EPB41L4A: variants seen among roughly 807,000 people sequenced by gnomAD.
EPB41L4A encodes the protein erythrocyte membrane protein band 4.1 like 4A.
In EPB41L4A, 100 loss-of-function variants were observed where a neutral mutation model predicts 108.6. The ratio of observed to expected loss-of-function variants is 0.92; its 90% CI spans 0.78 to 1.09. EPB41L4A has a LOEUF of 1.09. Ranked by LOEUF, EPB41L4A falls within the 50% of genes least tolerant of loss-of-function variation. The pLI, the probability that EPB41L4A is intolerant of heterozygous loss-of-function variation, is 0.00. For missense variants in EPB41L4A, 1,030 were observed against 842.7 expected (o/e 1.22, Z -2.75); for synonymous variants, 319 against 289.0 (o/e 1.10, Z -1.05).
At chr5:112,209,809 A>T (rs1288025963) in intron 13 of EPB41L4A, 83 bp downstream of exon 13, 3 of 782,230 alleles carry the variant, frequency 3.8e-6, no homozygotes, top group Non-Finnish European at 6.2e-6. Context: ...ATCAAAGTTA[A>T]AAGATTTTTA....
Position 112,169,061 on chromosome 5 carries a change from C to T in EPB41L4A, c.1784G>A (p.Arg595Gln), listed in dbSNP as rs772237814. 5.0e-6 allele frequency: 8 copies of T among 1,614,140 alleles called. No individual in the cohort carries two copies. Among genetic ancestry groups the T allele is most frequent in the South Asian group, 3.3e-5 (3 of 91,080 alleles). Reference sequence around the variant, plus strand: ...GGACCTGCGATACTGGCGGTAACTTCGTGGCGAATGAGAATGCCTGATGCG... The same window carrying T: ...GGACCTGCGATACTGGCGGTAACTTTGTGGCGAATGAGAATGCCTGATGCG... ...PIRIRHSHSP[R>Q]SYRQYRRSQC... is the part of the protein sequence containing the mutation. Residue 595 changes from arginine to glutamine, a missense_variant, in exon 21 of 23, where the codon CGA (arginine) becomes CAA (glutamine). Arg to Gln is a conservative substitution (Grantham distance 43). Transcript: ENST00000261486.
At chr5:112,195,123 C>T (rs1236203743) in intron 16 of EPB41L4A, among the ~76,000 whole-genome samples, 1 of 152,076 alleles carries the variant, frequency 6.6e-6, no homozygotes, top group East Asian at 1.9e-4. Flanking sequence ...AGGACTAGCC[C>T]CTTAACCGAC....
chr5:112,158,053 T>C (rs1314653615), downstream of EPB41L4A, among the ~76,000 whole-genome samples: 2 of 152,206 alleles, frequency 1.3e-5, no homozygotes, highest in Non-Finnish European at 2.9e-5. Flanking sequence ...AGGAAGGATT[T>C]TGAATTGATT....
intron 1 of EPB41L4A, among the ~76,000 whole-genome samples, chr5:112,316,851 T>C (rs1212740676): frequency 6.6e-6 from 1 of 152,172 alleles, no homozygotes. Context: ...CATTCACATA[T>C]TGACACCTCA....
intron 11 of EPB41L4A, among the ~76,000 whole-genome samples, chr5:112,234,979 GAAGA>G (rs1488296810): frequency 1.3e-5 from 2 of 152,156 alleles, no homozygotes; most frequent in East Asian, 3.8e-4. Flanking sequence ...GAGGAAACAG[GAAGA>G]AAGAATTTAT....
At chr5:112,418,426 G>A (rs1029628747) in intron 1 of EPB41L4A, among the ~76,000 whole-genome samples, 8 of 152,186 alleles carry the variant, frequency 5.3e-5, no homozygotes, top group African/African-American at 1.9e-4. Flanking sequence ...TGTAGAAAGG[G>A]AAAATATTTT....
chr5:112,373,179 TCTC>T (rs1184060922), intron 1 of EPB41L4A, among the ~76,000 whole-genome samples: 8 of 152,086 alleles, frequency 5.3e-5, no homozygotes, highest in African/African-American at 1.7e-4. Context: ...CCATTTCTAA[TCTC>T]CTGGCTGTGG....
intron 2 of EPB41L4A, among the ~76,000 whole-genome samples, chr5:112,281,154 T>C (rs2089341634): frequency 6.6e-6 from 1 of 152,176 alleles, no homozygotes; most frequent in South Asian, 2.1e-4. Flanking sequence ...GTAAAGTCTT[T>C]AGAATAGCCC....
downstream of EPB41L4A, among the ~76,000 whole-genome samples, chr5:112,159,144 C>A (rs927979765): frequency 1.8e-4 from 27 of 151,636 alleles, no homozygotes; most frequent in African/African-American, 5.8e-4. Flanking sequence ...TGTGTGATGA[C>A]CACTGGGCTG....
At chr5:112,212,295 T>G (rs1163073599) in intron 12 of EPB41L4A, among the ~76,000 whole-genome samples, 9 of 108,198 alleles carry the variant, frequency 8.3e-5, no homozygotes, top group African/African-American at 2.3e-4. Context: ...GTTGTTTTTG[T>G]TTTTTTTTTT....
At chr5:112,220,911 T>TC (rs1306382477) in intron 12 of EPB41L4A, among the ~76,000 whole-genome samples, 2 of 152,118 alleles carry the variant, frequency 1.3e-5, no homozygotes, top group Non-Finnish European at 2.9e-5. Context: ...CCCCTCCAGG[T>TC]TATTACCATT....
chr5:112,159,377 G>A (rs187209044), downstream of EPB41L4A, among the ~76,000 whole-genome samples: 3 of 152,310 alleles, frequency 2.0e-5, no homozygotes, highest in East Asian at 5.8e-4. Context: ...TGGAGACCTA[G>A]TTGTTATCAT....
chr5:112,201,489 T>C (rs1261710714), intron 15 of EPB41L4A, among the ~76,000 whole-genome samples: 1 of 152,254 alleles, frequency 6.6e-6, no homozygotes, highest in Admixed American at 6.5e-5. Flanking sequence ...AGCCATATTT[T>C]AGCAAAATGT....
chr5:112,361,049 G>A (rs535310345), intron 1 of EPB41L4A, among the ~76,000 whole-genome samples: 17 of 152,210 alleles, frequency 1.1e-4, no homozygotes, highest in Non-Finnish European at 2.5e-4. Context: ...AACGGGCCAT[G>A]ATGACGATGG....
chr5:112,188,651 G>A (rs1471333827), intron 17 of EPB41L4A, among the ~76,000 whole-genome samples: 1 of 152,104 alleles, frequency 6.6e-6, no homozygotes, highest in Non-Finnish European at 1.5e-5. Context: ...CTGCAGTACG[G>A]TGAACACTGT....
chr5:112,339,134 GA>G (rs1345884000), intron 1 of EPB41L4A, among the ~76,000 whole-genome samples: 2 of 152,120 alleles, frequency 1.3e-5, no homozygotes. Flanking sequence ...AAGAGAGCAG[GA>G]ATTGCACAAT....
At chr5:112,351,440 A>C (rs1434678185) in intron 1 of EPB41L4A, among the ~76,000 whole-genome samples, 1 of 152,232 alleles carries the variant, frequency 6.6e-6, no homozygotes, top group African/African-American at 2.4e-5. Flanking sequence ...ACTTGAACAG[A>C]CTAATAACAA....
At chr5:112,280,382 T>C in intron 2 of EPB41L4A, 59 bp from the exon 3 acceptor site, 1 of 1,478,646 alleles carries the variant, frequency 6.8e-7, no homozygotes, top group Non-Finnish European at 9.5e-7. Flanking sequence ...AGCTTTTACT[T>C]CAAGAATATT....
chr5:112,306,090 G>T lies in EPB41L4A; in HGVS notation c.204+1296C>A, dbSNP rs76501234. On this transcript the variant is annotated intron_variant, in intron 2 of 22. Transcript: ENST00000261486. Reference sequence around the variant, plus strand: ...GACAAGGTCTATATAACTTTAGCAAGACAGTCAATCTTTCCAGGCAAAGTC... The same window carrying T: ...GACAAGGTCTATATAACTTTAGCAATACAGTCAATCTTTCCAGGCAAAGTC... 3.9e-4 allele frequency among the ~76,000 whole-genome samples: 60 copies of T among 152,224 alleles called. No homozygotes were observed. The East Asian group carries it at 0.011, about 28-fold the overall frequency.
Sources: gnomAD v4.1 joint callset for allele counts (sites outside exome capture counted in the v4.1 genomes callset) on GRCh38, gnomAD v4.1.1 for gene constraint, MANE v1.5 for transcripts, NCBI Gene and HGNC (gene_info 2026-07-23, HGNC 2026-07-21) for gene names.